Variants in TMEM243 observed in about 807,000 individuals in gnomAD.
TMEM243 encodes the protein MDR1 and mitochondrial taxol resistance associated.
In TMEM243, 20 loss-of-function variants were observed where a neutral mutation model predicts 15.0. The observed-to-expected ratio is 1.33, with a 90% CI of 0.94 to 1.93. The LOEUF is 1.93. TMEM243 is among the 30% of genes most tolerant of loss of function. The probability of loss-of-function intolerance (pLI) is 0.00; values close to 1 mark genes in which losing one functional copy is unlikely to be tolerated. For synonymous variants in TMEM243, 72 were observed against 52.7 expected (o/e 1.37, Z -1.59); for missense variants, 156 against 142.1 (o/e 1.10, Z -0.50).
At chr7:87,219,876 C>A (rs1803390047), upstream of TMEM243, 1 of 306,194 alleles carries the variant, frequency 3.3e-6, no homozygotes, top group Non-Finnish European at 6.1e-6. Flanking sequence ...CCGCTCGCCC[C>A]CGGCTAGCAC....
In TMEM243 at chr7:87,203,499, C is replaced by T. The variant is rs563999365; in HGVS notation, c.79-4442G>A. Among the ~76,000 whole-genome samples the T allele has an allele frequency of 1.1e-4, 16 of 151,914 alleles. No individual in the cohort carries two copies. In the South Asian group the frequency reaches 2.9e-3, roughly 28 times the overall value. ...GTTTGATGACATGTGCCTGTAGTCT[C>T]AGCTACTTGGGAGGCTGAGGTGGGA... On this transcript the variant is annotated intron_variant, in intron 1 of 3. Transcript: ENST00000257637.
intron 1 of TMEM243, among the ~76,000 whole-genome samples, chr7:87,201,014 A>G (rs1016197448): frequency 1.3e-5 from 2 of 152,240 alleles, no homozygotes; most frequent in Admixed American, 6.5e-5. Context: ...TGATGAAAAT[A>G]TATCTAAACT....
At chr7:87,219,175 G>T (rs1803312531) in intron 1 of TMEM243, among the ~76,000 whole-genome samples, 1 of 152,092 alleles carries the variant, frequency 6.6e-6, no homozygotes. Context: ...GCACTCCCCA[G>T]AAGGGCTTCC....
chr7:87,197,804 C>G (rs1801445706), intron 3 of TMEM243, 137 bp downstream of exon 3: 1 of 1,457,860 alleles, frequency 6.9e-7, no homozygotes, highest in Non-Finnish European at 9.1e-7. Context: ...ATTGAGAATT[C>G]TAACATACTT....
In TMEM243 at chr7:87,219,476, C is replaced by G. The variant is rs1349957014; in HGVS notation, c.28G>C (p.Gly10Arg). MEDFATRTY[G>R]TSGLDNRPLF... ...GGTCTGTTGTCCAGGCCACTGGTGC[C>G]GTAGGTCCTGGTAGCAAAGTCCTCC... The change falls in exon 1 of 4, where the codon GGC becomes CGC. Residue 10 changes from glycine to arginine, a missense_variant. Coordinates refer to ENST00000257637, the MANE Select transcript of TMEM243 (RefSeq NM_024315.4). The G allele has an allele frequency of 1.2e-6, 2 of 1,614,252 alleles. No individual in the cohort carries two copies. The highest frequency in any genetic ancestry group is 3.3e-5 in the Admixed American group (2 of 60,036).
chr7:87,199,148 A>G (rs1801603735), intron 1 of TMEM243, 91 bp from the exon 2 acceptor site: 3 of 1,014,230 alleles, frequency 3.0e-6, no homozygotes, highest in East Asian at 5.5e-5. Context: ...GGTTTACTAT[A>G]AAGAAACCCA....
chr7:87,220,466 C>T (rs1282350812), upstream of TMEM243: 2 of 152,296 alleles, frequency 1.3e-5, no homozygotes, highest in African/African-American at 4.8e-5. Context: ...GGCCCAGGAA[C>T]GCGGGCCAGA....
At chr7:87,199,394 G>A (rs1801619139) in intron 1 of TMEM243, 1 of 230,482 alleles carries the variant, frequency 4.3e-6, no homozygotes, top group Admixed American at 5.2e-5. Context: ...AGGCACTGCA[G>A]GAATGGCCAG....
chr7:87,219,822 G>C (rs897161367), upstream of TMEM243: 1 of 378,414 alleles, frequency 2.6e-6, no homozygotes, highest in African/African-American at 2.1e-5. Flanking sequence ...CCTTGGCGCC[G>C]CGTGGCTCTC....
chr7:87,198,170 T>G (rs1275900741), intron 2 of TMEM243, 125 bp from the exon 3 acceptor site: 1 of 730,064 alleles, frequency 1.4e-6, no homozygotes, highest in Non-Finnish European at 2.3e-6. Context: ...CCACCAAGTT[T>G]GCTTTCTAGA....
chr7:87,214,008 G>A (rs1802942326), intron 1 of TMEM243, among the ~76,000 whole-genome samples: 1 of 152,206 alleles, frequency 6.6e-6, no homozygotes, highest in South Asian at 2.1e-4. Context: ...ACCCTTCTTA[G>A]AGGATGAGTC....
At chr7:87,209,689 A>AGACACAGTGAGAGAGCGAGACACAGT (rs1237661489) in intron 1 of TMEM243, among the ~76,000 whole-genome samples, 1 of 61,390 alleles carries the variant, frequency 1.6e-5, no homozygotes, top group Non-Finnish European at 3.5e-5. Context: ...AGACACAGCG[A>AGACACAGTGAGAGAGCGAGACACAGT]GAGAGCGAGA....
chr7:87,197,074 A>G (rs1801343615), intron 3 of TMEM243, among the ~76,000 whole-genome samples: 1 of 152,118 alleles, frequency 6.6e-6, no homozygotes, highest in Non-Finnish European at 1.5e-5. Context: ...GGAAGACAAC[A>G]TTTAGACTCA....
In TMEM243 at chr7:87,199,066, G is replaced by A. The variant is rs757762166; in HGVS notation, c.79-9C>T. The stretch of plus-strand genomic sequence containing the variant: ...AAATTGATGATTCGATCCTGAAAGA[G>A]AAAAGAATTTTTAAGCCATATGACT... On this transcript the variant is annotated splice_polypyrimidine_tract_variant and intron_variant, in intron 1 of 3. Transcript: ENST00000257637. 2 of 1,603,064 alleles carry A rather than the reference G, an allele frequency of 1.2e-6. No homozygotes were observed. Among genetic ancestry groups the A allele is most frequent in the East Asian group, 4.5e-5 (2 of 44,456 alleles).
At chr7:87,198,095 G>T in intron 2 of TMEM243, 50 bp from the exon 3 acceptor site, 1 of 1,492,512 alleles carries the variant, frequency 6.7e-7, no homozygotes, top group Non-Finnish European at 9.2e-7. Flanking sequence ...CCAAGACTTG[G>T]TAATTACCAA....
At chr7:87,206,746 G>C (rs1802250443) in intron 1 of TMEM243, among the ~76,000 whole-genome samples, 1 of 152,220 alleles carries the variant, frequency 6.6e-6, no homozygotes, top group Non-Finnish European at 1.5e-5. Context: ...CTGAAGCCTA[G>C]AAAAGTGAAG....
chr7:87,199,112 TATAGTACA>T (rs1379939505), intron 1 of TMEM243, 55 bp from the exon 2 acceptor site: 3 of 1,420,794 alleles, frequency 2.1e-6, no homozygotes, highest in African/African-American at 2.9e-5. Flanking sequence ...TTACCTTCAG[TATAGTACA>T]ATGCAAGGCA....
At chr7:87,212,735 G>A (rs1802841242) in intron 1 of TMEM243, among the ~76,000 whole-genome samples, 1 of 152,172 alleles carries the variant, frequency 6.6e-6, no homozygotes, top group African/African-American at 2.4e-5. Context: ...TCCCAAGAAT[G>A]TAGGTTACTT....
chr7:87,209,798 C>CAGTGAGAGCGAGACAGTG (rs1362158123), intron 1 of TMEM243, among the ~76,000 whole-genome samples: 1 of 86,756 alleles, frequency 1.2e-5, no homozygotes, highest in African/African-American at 4.8e-5. Context: ...GAGAGCGAGA[C>CAGTGAGAGCGAGACAGTG]AGAGCGAGAG....
Sources: gnomAD v4.1 joint callset for allele counts (sites outside exome capture counted in the v4.1 genomes callset) on GRCh38, gnomAD v4.1.1 for gene constraint, MANE v1.5 for transcripts, NCBI Gene and HGNC (gene_info 2026-07-23, HGNC 2026-07-21) for gene names.